The following MAP3K7 variants were observed in gnomAD, a reference collection of about 807,000 sequenced individuals.
MAP3K7 encodes TGF-beta activated kinase 1.
MAP3K7 carries 21 observed loss-of-function variants against 84.8 expected under a neutral mutation model. The ratio of observed to expected loss-of-function variants is 0.25; its 90% CI spans 0.18 to 0.36. The LOEUF is 0.36. MAP3K7 is among the 10% of genes least tolerant of loss of function. The probability of loss-of-function intolerance (pLI) is 1.00; values close to 1 mark genes in which losing one functional copy is unlikely to be tolerated. For synonymous variants in MAP3K7, 241 were observed against 247.7 expected (o/e 0.97, Z 0.25); for missense variants, 503 against 747.7 (o/e 0.67, Z 3.82).
At chr6:90,537,840 C>CAATTA (rs1244640090) in intron 12 of MAP3K7, among the ~76,000 whole-genome samples, 2 of 151,958 alleles carry the variant, frequency 1.3e-5, no homozygotes, top group African/African-American at 4.8e-5. Context: ...TCAACACATT[C>CAATTA]ATTCTAAAAT....
intron 12 of MAP3K7, among the ~76,000 whole-genome samples, chr6:90,541,715 T>G (rs754648375): frequency 4.6e-5 from 7 of 152,008 alleles, no homozygotes; most frequent in Non-Finnish European, 8.8e-5. Context: ...TTTGCTAAGT[T>G]GCTTTTTCTT....
intron 15 of MAP3K7, 31 bp downstream of exon 15, chr6:90,519,227 G>C (rs1056778934): frequency 3.4e-6 from 5 of 1,492,348 alleles, no homozygotes; most frequent in Middle Eastern, 1.7e-4. Context: ...GAAGAAAAAA[G>C]TCAACTTTCA....
chr6:90,541,447 C>G (rs1775853092), intron 12 of MAP3K7, among the ~76,000 whole-genome samples: 1 of 151,984 alleles, frequency 6.6e-6, no homozygotes, highest in African/African-American at 2.4e-5. Flanking sequence ...ACACACTCTA[C>G]TGGTAATTTG....
rs761180843 is a variant in MAP3K7 at position 90,568,585 on chromosome 6, T to C, written c.270A>G (p.Val90=). The change falls in exon 3 of 17, where the codon GTA becomes GTG. Residue 90 remains valine, a synonymous_variant. Coordinates refer to ENST00000369329, the MANE Select transcript of MAP3K7 (RefSeq NM_145331.3). ...QLSRVNHPNI[V]KLYGACLNPV... ...GATTCAAGCAGGCTCCATAAAGCTT[T>C]ACAATATTAGGATGGTTCACACGGG... 3 of 1,609,268 alleles carry C rather than the reference T, an allele frequency of 1.9e-6. No homozygotes were observed. Among genetic ancestry groups the C allele is most frequent in the Non-Finnish European group, 1.7e-6 (2 of 1,178,926 alleles).
intron 14 of MAP3K7, among the ~76,000 whole-genome samples, 154 bp downstream of exon 14, chr6:90,523,524 T>G (rs923691644): frequency 1.3e-5 from 2 of 152,190 alleles, no homozygotes; most frequent in Non-Finnish European, 2.9e-5. Flanking sequence ...TTCAAAATGG[T>G]ATTTTAACAT....
rs995231820 is a variant in MAP3K7, at chr6:90,514,824, A to G, written c.*1677T>C. 3 of 149,562 alleles carry G rather than the reference A, an allele frequency of 2.0e-5. No individual in the cohort carries two copies. The highest frequency in any genetic ancestry group is 3.0e-5 in the Non-Finnish European group (2 of 67,324). The allele number at this position is 149,562 out of a possible 1,614,324, so 9.3% of individuals were successfully genotyped here. A position where few individuals can be genotyped will look rare whatever the true frequency, so the allele number is the denominator to read the frequency against. On this transcript the variant is annotated 3_prime_UTR_variant, in exon 17 of 17. Coordinates refer to ENST00000369329, the MANE Select transcript of MAP3K7 (RefSeq NM_145331.3). ...TTTTACTATTACTATGCTGAATCCA[A>G]TATCTGTTTCAGCTAGGTAATCAAA...
intron 14 of MAP3K7, among the ~76,000 whole-genome samples, chr6:90,522,209 C>T (rs1402509945): frequency 6.6e-6 from 1 of 151,934 alleles, no homozygotes; most frequent in Non-Finnish European, 1.5e-5. Flanking sequence ...TTTCTAGGTA[C>T]AGAAAAAGAA....
At chr6:90,526,532 T>C (rs1353140226) in intron 13 of MAP3K7, among the ~76,000 whole-genome samples, 2 of 152,108 alleles carry the variant, frequency 1.3e-5, no homozygotes, top group Non-Finnish European at 2.9e-5. Flanking sequence ...ATCATGCTAA[T>C]ACTTGGGGAT....
intron 13 of MAP3K7, among the ~76,000 whole-genome samples, chr6:90,531,157 T>C (rs1247050668): frequency 6.6e-6 from 1 of 152,174 alleles, no homozygotes; most frequent in Non-Finnish European, 1.5e-5. Context: ...TGAACCAGAA[T>C]TGGCCTTTGA....
At chr6:90,557,328 T>C (rs1003577259) in intron 5 of MAP3K7, among the ~76,000 whole-genome samples, 8 of 152,294 alleles carry the variant, frequency 5.3e-5, no homozygotes, top group African/African-American at 1.9e-4. Flanking sequence ...GTAATATAAT[T>C]TGCACCATCA....
chr6:90,540,755 T>A (rs571656881), intron 12 of MAP3K7, among the ~76,000 whole-genome samples: 1 of 151,994 alleles, frequency 6.6e-6, no homozygotes, highest in Non-Finnish European at 1.5e-5. Context: ...GCATGAAAAA[T>A]AATTCGCTTT....
At chr6:90,542,569 C>T (rs749730981) in intron 12 of MAP3K7, 2 of 838,684 alleles carry the variant, frequency 2.4e-6, no homozygotes, top group South Asian at 5.4e-5. Context: ...GCTTCTCTGA[C>T]TTAAACAAAA....
chr6:90,550,370 G>A, intron 9 of MAP3K7, 98 bp downstream of exon 9: 1 of 736,270 alleles, frequency 1.4e-6, no homozygotes, highest in Non-Finnish European at 2.2e-6. Context: ...GAATTAAAAT[G>A]CAAATGGGGA....
intron 3 of MAP3K7, among the ~76,000 whole-genome samples, chr6:90,566,935 C>A (rs1007271396): frequency 7.9e-5 from 12 of 152,116 alleles, no homozygotes; most frequent in African/African-American, 2.9e-4. Context: ...TGATCTTTGA[C>A]AAACCTGACA....
At chr6:90,584,387 T>C (rs1562115768) in intron 1 of MAP3K7, among the ~76,000 whole-genome samples, 1 of 152,092 alleles carries the variant, frequency 6.6e-6, no homozygotes, top group Non-Finnish European at 1.5e-5. Context: ...ATGAACTAAG[T>C]ATTAAACATG....
intron 12 of MAP3K7, among the ~76,000 whole-genome samples, chr6:90,541,767 G>T (rs553516545): frequency 6.6e-6 from 1 of 151,834 alleles, no homozygotes; most frequent in Non-Finnish European, 1.5e-5. Context: ...TTTGAAGAGC[G>T]AGCAAAAAAC....
At position 90,516,193 on chromosome 6, in the gene MAP3K7, TTC is replaced by T; in HGVS notation, c.*306_*307del. The T allele has an allele frequency of 2.6e-6, 1 of 380,682 alleles. No homozygotes were observed. The highest frequency in any genetic ancestry group is 4.8e-6 in the Non-Finnish European group (1 of 210,410). 23.6% of individuals were successfully genotyped at this position (380,682 alleles called of 1,614,324 possible). On this transcript the variant is annotated 3_prime_UTR_variant, in exon 17 of 17. Transcript: ENST00000369329. ...ATAGCAGCTAGTTTGATACCTCCTG[TTC>T]TGTTAGGCTAGCCTTCACACAATGA...
At chr6:90,561,903 T>C (rs1312797937) in intron 3 of MAP3K7, among the ~76,000 whole-genome samples, 2 of 152,238 alleles carry the variant, frequency 1.3e-5, no homozygotes, top group Non-Finnish European at 2.9e-5. Flanking sequence ...CAGGATATTC[T>C]GGGGACTTTC....
intron 12 of MAP3K7, chr6:90,537,278 A>G (rs1308566341): frequency 6.6e-6 from 1 of 151,956 alleles, no homozygotes; most frequent in Non-Finnish European, 1.5e-5. Context: ...TTGACTCTGA[A>G]ATCTGTATTA....
Sources: gnomAD v4.1 joint callset for allele counts (sites outside exome capture counted in the v4.1 genomes callset) on GRCh38, gnomAD v4.1.1 for gene constraint, MANE v1.5 for transcripts, NCBI Gene and HGNC (gene_info 2026-07-23, HGNC 2026-07-21) for gene names.